CACNA2D3: variants seen among roughly 807,000 people sequenced by gnomAD.
CACNA2D3 encodes the protein calcium voltage-gated channel auxiliary subunit alpha2delta 3.
A neutral mutation model predicts 160.6 loss-of-function variants in CACNA2D3; 60 were observed. The observed-to-expected ratio is 0.37, with a 90% CI of 0.30 to 0.46. The LOEUF (loss-of-function observed/expected upper bound fraction) is 0.46. CACNA2D3 is among the 20% of genes least tolerant of loss of function. The probability of loss-of-function intolerance (pLI) is 1.00; values close to 1 mark genes in which losing one functional copy is unlikely to be tolerated. For missense variants in CACNA2D3, 1,205 were observed against 1,365.0 expected (o/e 0.88, Z 1.85); for synonymous variants, 558 against 492.9 (o/e 1.13, Z -1.75).
chr3:54,398,146 C>T (rs1387130369), intron 4 of CACNA2D3, among the ~76,000 whole-genome samples: 1 of 117,404 alleles, frequency 8.5e-6, no homozygotes, highest in Non-Finnish European at 1.7e-5. Context: ...CAACCCCTGC[C>T]TTTTTTTGTT....
chr3:54,653,609 G>T (rs1218681817), intron 11 of CACNA2D3, among the ~76,000 whole-genome samples: 1 of 152,174 alleles, frequency 6.6e-6, no homozygotes, highest in African/African-American at 2.4e-5. Flanking sequence ...ATTGTCTCTG[G>T]TTTAATTACT....
intron 2 of CACNA2D3, among the ~76,000 whole-genome samples, chr3:54,250,950 T>C (rs1466786447): frequency 2.0e-5 from 3 of 151,704 alleles, no homozygotes; most frequent in Non-Finnish European, 4.4e-5. Context: ...TGAAGGCCAA[T>C]GACAGGAAGG....
chr3:55,024,314 G>A (rs535510660), intron 35 of CACNA2D3, among the ~76,000 whole-genome samples: 9 of 151,718 alleles, frequency 5.9e-5, no homozygotes, highest in South Asian at 4.2e-4. Context: ...TGAATTTAGC[G>A]TAATGCCTGA....
At chr3:54,636,717 G>A (rs906601995) in intron 10 of CACNA2D3, among the ~76,000 whole-genome samples, 2 of 151,940 alleles carry the variant, frequency 1.3e-5, no homozygotes, top group African/African-American at 4.8e-5. Context: ...TGTTTTGTAA[G>A]GGATTGAGGT....
chr3:55,025,525 C>T (rs1221247776), intron 35 of CACNA2D3, among the ~76,000 whole-genome samples: 1 of 150,484 alleles, frequency 6.6e-6, no homozygotes, highest in African/African-American at 2.4e-5. Flanking sequence ...CCAGCTGCTA[C>T]TCGGGAGCTG....
At chr3:54,676,081 G>C (rs1050275949) in intron 11 of CACNA2D3, among the ~76,000 whole-genome samples, 1 of 152,156 alleles carries the variant, frequency 6.6e-6, no homozygotes, top group South Asian at 2.1e-4. Flanking sequence ...TTACTTCCCT[G>C]AGCCTCCAGT....
chr3:54,639,319 A>C (rs1300465251), intron 10 of CACNA2D3: 1 of 151,974 alleles, frequency 6.6e-6, no homozygotes, highest in Non-Finnish European at 1.5e-5. Context: ...CTTGCCGCTA[A>C]GGGTGAAGGA....
chr3:54,151,879 A>G (rs1700158355), intron 2 of CACNA2D3, among the ~76,000 whole-genome samples: 2 of 152,234 alleles, frequency 1.3e-5, no homozygotes, highest in South Asian at 4.1e-4. Flanking sequence ...TTTCTCAGCC[A>G]TCCTCTTTCC....
At position 54,260,773 on chromosome 3, in the gene CACNA2D3, A is replaced by G. The variant is rs138521425; in HGVS notation, c.205-59669A>G. Among the ~76,000 whole-genome samples the G allele has an allele frequency of 2.6e-4, 40 of 151,760 alleles. No homozygotes were observed. In the Middle Eastern group the frequency reaches 0.01, roughly 39 times the overall value. On this transcript the variant is annotated intron_variant, in intron 2 of 37. Coordinates refer to ENST00000474759, the MANE Select transcript of CACNA2D3 (RefSeq NM_018398.3). ...TCAGCTCAGGAGTTTGACTCTCACA[A>G]TCCCTCTGCCTTGAGTGCTCTTTCC...
intron 3 of CACNA2D3, among the ~76,000 whole-genome samples, chr3:54,323,423 T>A (rs6810202): frequency 0.67 from 100,237 of 149,628 alleles, 33,934 homozygotes; most frequent in Non-Finnish European, 0.74. Flanking sequence ...CAGTGACCCT[T>A]CCCCCTCTTT....
At chr3:54,588,621 C>A (rs931642220) in intron 9 of CACNA2D3, among the ~76,000 whole-genome samples, 1 of 152,004 alleles carries the variant, frequency 6.6e-6, no homozygotes, top group Non-Finnish European at 1.5e-5. Flanking sequence ...TATACAAGAT[C>A]AACACAAAAA....
intron 34 of CACNA2D3, among the ~76,000 whole-genome samples, chr3:55,015,184 A>C (rs1312778303): frequency 2.0e-5 from 3 of 152,266 alleles, no homozygotes; most frequent in South Asian, 2.1e-4. Flanking sequence ...TCTCAGCCTG[A>C]CCCAAAGACC....
intron 2 of CACNA2D3, among the ~76,000 whole-genome samples, chr3:54,312,114 G>A (rs546757096): frequency 1.1e-4 from 17 of 152,158 alleles, no homozygotes; most frequent in Non-Finnish European, 1.8e-4. Context: ...AGTGCCAGAG[G>A]GTTGGGAGAG....
At chr3:54,513,429 C>G (rs966434090) in intron 5 of CACNA2D3, among the ~76,000 whole-genome samples, 11 of 152,098 alleles carry the variant, frequency 7.2e-5, no homozygotes, top group African/African-American at 2.7e-4. Flanking sequence ...ATAATATGAT[C>G]TCATACAATG....
chr3:54,124,780 TG>T (rs1191101595), intron 2 of CACNA2D3, among the ~76,000 whole-genome samples: 1 of 152,256 alleles, frequency 6.6e-6, no homozygotes, highest in African/African-American at 2.4e-5. Context: ...CCTTATTCAT[TG>T]AAAGATTGCT....
At chr3:54,633,760 T>G (rs565548723) in intron 10 of CACNA2D3, 1 of 152,290 alleles carries the variant, frequency 6.6e-6, no homozygotes, top group African/African-American at 2.4e-5. Flanking sequence ...TTAAGTAAAT[T>G]CGTATTAATA....
chr3:55,009,714 A>G (rs973847143), intron 34 of CACNA2D3, among the ~76,000 whole-genome samples: 1 of 152,188 alleles, frequency 6.6e-6, no homozygotes, highest in African/African-American at 2.4e-5. Flanking sequence ...TGCACAGGTA[A>G]ATTCTTCAGA....
chr3:54,654,958 C>T (rs1202754034), intron 11 of CACNA2D3, among the ~76,000 whole-genome samples: 1 of 152,116 alleles, frequency 6.6e-6, no homozygotes, highest in African/African-American at 2.4e-5. Context: ...CCAGGCAGAC[C>T]CTAGCCAGGA....
At chr3:54,741,285 C>G (rs1701642547) in intron 11 of CACNA2D3, among the ~76,000 whole-genome samples, 2 of 152,198 alleles carry the variant, frequency 1.3e-5, no homozygotes, top group South Asian at 4.1e-4. Flanking sequence ...TCTTTAGGGT[C>G]TAGGCAAAGG....
Sources: gnomAD v4.1 joint callset for allele counts (sites outside exome capture counted in the v4.1 genomes callset) on GRCh38, gnomAD v4.1.1 for gene constraint, MANE v1.5 for transcripts, NCBI Gene and HGNC (gene_info 2026-07-23, HGNC 2026-07-21) for gene names.